Variants in INPP4B observed in about 807,000 individuals in gnomAD.
INPP4B encodes inositol polyphosphate 4-phosphatase type II.
A neutral mutation model predicts 122.5 loss-of-function variants in INPP4B; 55 were observed. The ratio of observed to expected loss-of-function variants is 0.45; its 90% CI spans 0.36 to 0.56. INPP4B has a LOEUF of 0.56. INPP4B is among the 20% of genes least tolerant of loss of function. The probability of loss-of-function intolerance (pLI) is 0.00; values close to 1 mark genes in which losing one functional copy is unlikely to be tolerated. For missense variants in INPP4B, 1,000 were observed against 1,097.7 expected (o/e 0.91, Z 1.26); for synonymous variants, 403 against 388.7 (o/e 1.04, Z -0.43).
intron 11 of INPP4B, among the ~76,000 whole-genome samples, chr4:142,256,223 A>G (rs1735937379): frequency 6.6e-6 from 1 of 151,792 alleles, no homozygotes. Flanking sequence ...AGGGAAATTT[A>G]TAGCACTAAA....
At chr4:142,747,665 T>C (rs1488411778) in intron 1 of INPP4B, among the ~76,000 whole-genome samples, 1 of 152,160 alleles carries the variant, frequency 6.6e-6, no homozygotes, top group Non-Finnish European at 1.5e-5. Flanking sequence ...ATGTGGCACA[T>C]ATACAGCATG....
intron 2 of INPP4B, among the ~76,000 whole-genome samples, chr4:142,607,799 A>G (rs1741594513): frequency 1.3e-5 from 2 of 152,160 alleles, no homozygotes; most frequent in Non-Finnish European, 2.9e-5. Flanking sequence ...TTCCAGGATC[A>G]AGAGAGTTGA....
chr4:142,470,146 A>G (rs17016175), intron 2 of INPP4B, among the ~76,000 whole-genome samples: 38,033 of 151,890 alleles, frequency 0.25, 5,511 homozygotes, highest in East Asian at 0.55. Flanking sequence ...AAGAAAACGC[A>G]TAGCAGATTG....
At chr4:142,649,741 A>G (rs548877662) in intron 2 of INPP4B, among the ~76,000 whole-genome samples, 5 of 152,312 alleles carry the variant, frequency 3.3e-5, no homozygotes, top group African/African-American at 1.2e-4. Flanking sequence ...TATGTTTAAT[A>G]GATATATCTG....
intron 7 of INPP4B, among the ~76,000 whole-genome samples, chr4:142,330,537 GCACACACATACACGCGCACGCACA>G (rs1774074929): frequency 6.6e-6 from 1 of 151,958 alleles, no homozygotes; most frequent in African/African-American, 2.4e-5. Context: ...GTGCACACAC[GCACACACATACACGCGCACGCACA>G]CACACACATA....
At chr4:142,078,225 G>A (rs1315731712) in intron 25 of INPP4B, among the ~76,000 whole-genome samples, 1 of 152,118 alleles carries the variant, frequency 6.6e-6, no homozygotes, top group African/African-American at 2.4e-5. Flanking sequence ...TGTACAAAGG[G>A]TGGATTCAGG....
At chr4:142,249,851 T>C (rs1731066636) in intron 11 of INPP4B, among the ~76,000 whole-genome samples, 1 of 152,158 alleles carries the variant, frequency 6.6e-6, no homozygotes, top group Non-Finnish European at 1.5e-5. Context: ...CATGACTATG[T>C]GAAAGACCTA....
intron 2 of INPP4B, among the ~76,000 whole-genome samples, chr4:142,605,778 A>C (rs1741114391): frequency 6.6e-6 from 1 of 151,924 alleles, no homozygotes; most frequent in Non-Finnish European, 1.5e-5. Flanking sequence ...TGCAGAGGAA[A>C]GAAAACTTAT....
chr4:142,841,675 G>A (rs1219892209), intron 1 of INPP4B, among the ~76,000 whole-genome samples: 4 of 151,684 alleles, frequency 2.6e-5, no homozygotes, highest in East Asian at 1.9e-4. Flanking sequence ...TAAAAATCTC[G>A]AAGTTCTCCT....
intron 18 of INPP4B, among the ~76,000 whole-genome samples, chr4:142,133,929 T>G (rs1348472737): frequency 6.6e-6 from 1 of 152,160 alleles, no homozygotes; most frequent in Non-Finnish European, 1.5e-5. Context: ...CCTACAACAT[T>G]ACATCAAAAC....
intron 1 of INPP4B, among the ~76,000 whole-genome samples, chr4:142,769,512 C>A (rs1772698454): frequency 6.6e-6 from 1 of 152,154 alleles, no homozygotes; most frequent in African/African-American, 2.4e-5. Flanking sequence ...AGGACCATGG[C>A]ACATGGGTGT....
chr4:142,722,761 G>T (rs1764851150), intron 2 of INPP4B, among the ~76,000 whole-genome samples: 1 of 152,128 alleles, frequency 6.6e-6, no homozygotes, highest in African/African-American at 2.4e-5. Flanking sequence ...GCATTGTATG[G>T]TATATATCAG....
chr4:142,670,918 A>G (rs764275494), intron 2 of INPP4B, among the ~76,000 whole-genome samples: 1 of 152,156 alleles, frequency 6.6e-6, no homozygotes, highest in Non-Finnish European at 1.5e-5. Context: ...GTAAGTTCAT[A>G]CAATTTTATC....
At chr4:142,801,396 C>T (rs1490297473) in intron 1 of INPP4B, among the ~76,000 whole-genome samples, 1 of 152,134 alleles carries the variant, frequency 6.6e-6, no homozygotes, top group Non-Finnish European at 1.5e-5. Context: ...AGCCCCAATC[C>T]AATCTGACTG....
intron 2 of INPP4B, among the ~76,000 whole-genome samples, chr4:142,591,986 A>G (rs1402963549): frequency 6.6e-6 from 1 of 152,184 alleles, no homozygotes; most frequent in Non-Finnish European, 1.5e-5. Flanking sequence ...GAAAATCTGA[A>G]TGAAGTATGA....
chr4:142,263,995 A>G (rs1741563865), intron 10 of INPP4B, among the ~76,000 whole-genome samples: 1 of 152,074 alleles, frequency 6.6e-6, no homozygotes, highest in African/African-American at 2.4e-5. Context: ...AGGTCAAAGA[A>G]GTAATGAAGT....
At chr4:142,421,060 T>C (rs6838117) in intron 5 of INPP4B, among the ~76,000 whole-genome samples, 111,238 of 152,036 alleles carry the variant, frequency 0.73, 41,225 homozygotes, top group East Asian at 0.88. Flanking sequence ...ATTTTTCTAA[T>C]GCCTTATAGC....
At chr4:142,493,005 T>C (rs1165367759) in intron 2 of INPP4B, among the ~76,000 whole-genome samples, 1 of 152,222 alleles carries the variant, frequency 6.6e-6, no homozygotes, top group African/African-American at 2.4e-5. Context: ...CATGGTGCCC[T>C]ATATCCCAGC....
At chr4:142,106,374 G>A (rs994617570) in intron 23 of INPP4B, among the ~76,000 whole-genome samples, 1 of 152,042 alleles carries the variant, frequency 6.6e-6, no homozygotes, top group African/African-American at 2.4e-5. Context: ...TGTCTCCCGG[G>A]CTCAAGCCAT....
Sources: allele counts gnomAD v4.1 joint callset (sites outside exome capture counted in the v4.1 genomes callset), GRCh38; gene constraint gnomAD v4.1.1; transcripts MANE v1.5; gene names NCBI Gene and HGNC (gene_info 2026-07-23, HGNC 2026-07-21).